ARHGAP26: variants seen among roughly 807,000 people sequenced by gnomAD.
The protein encoded by ARHGAP26 is Rho GTPase activating protein 26.
A neutral mutation model predicts 104.8 loss-of-function variants in ARHGAP26; 38 were observed. The ratio of observed to expected loss-of-function variants is 0.36; its 90% CI spans 0.28 to 0.48. The LOEUF (loss-of-function observed/expected upper bound fraction) is 0.48. ARHGAP26 is among the 20% of genes least tolerant of loss of function. The pLI is 0.99. For missense variants in ARHGAP26, 704 were observed against 947.9 expected (o/e 0.74, Z 3.38); for synonymous variants, 341 against 340.0 (o/e 1.00, Z -0.03).
At chr5:143,071,608 G>A (rs150134277) in intron 17 of ARHGAP26, among the ~76,000 whole-genome samples, 144 of 152,264 alleles carry the variant, frequency 9.5e-4, no homozygotes, top group Non-Finnish European at 1.6e-3. Flanking sequence ...ACAGTCAGTA[G>A]AAGCAAAAAT....
intron 20 of ARHGAP26, among the ~76,000 whole-genome samples, chr5:143,160,531 G>A (rs1240272414): frequency 6.6e-6 from 1 of 151,066 alleles, no homozygotes; most frequent in Admixed American, 6.6e-5. Context: ...TGTTTCCCAG[G>A]CTGAGTTCAG....
At chr5:142,830,776 A>G (rs903231450) in intron 1 of ARHGAP26, among the ~76,000 whole-genome samples, 4 of 152,126 alleles carry the variant, frequency 2.6e-5, no homozygotes, top group Non-Finnish European at 5.9e-5. Flanking sequence ...TTGCCATTGT[A>G]AATACTTTGG....
chr5:143,023,118 C>G (rs1467802941), intron 12 of ARHGAP26, among the ~76,000 whole-genome samples: 1 of 152,246 alleles, frequency 6.6e-6, no homozygotes, highest in Admixed American at 6.5e-5. Context: ...GCCCACCACT[C>G]TCCCACAGGG....
At chr5:142,955,791 G>T (rs914867893) in intron 11 of ARHGAP26, among the ~76,000 whole-genome samples, 1 of 152,230 alleles carries the variant, frequency 6.6e-6, no homozygotes, top group Non-Finnish European at 1.5e-5. Flanking sequence ...TGTTAGTCTT[G>T]TTGTGGCCTC....
chr5:143,008,548 G>C (rs1216494166), intron 11 of ARHGAP26, among the ~76,000 whole-genome samples: 1 of 152,212 alleles, frequency 6.6e-6, no homozygotes, highest in Non-Finnish European at 1.5e-5. Flanking sequence ...AACCTCAGGG[G>C]ATCATAGAGT....
At chr5:143,197,832 A>AT (rs1367320680) in intron 20 of ARHGAP26, among the ~76,000 whole-genome samples, 4 of 152,114 alleles carry the variant, frequency 2.6e-5, no homozygotes, top group East Asian at 1.9e-4. Context: ...GGATTCTGTC[A>AT]TTTTTTTCCA....
intron 17 of ARHGAP26, among the ~76,000 whole-genome samples, chr5:143,094,117 G>A (rs1240164900): frequency 2.0e-5 from 3 of 152,136 alleles, no homozygotes; most frequent in Non-Finnish European, 2.9e-5. Context: ...CCGCCCCCGC[G>A]GCTTTCTTTC....
intron 20 of ARHGAP26, chr5:143,169,784 C>T (rs1255830490): frequency 1.3e-5 from 2 of 152,200 alleles, no homozygotes. Flanking sequence ...GATGTCACTA[C>T]ACTGGACCTT....
chr5:142,841,305 T>G (rs1363091062), intron 1 of ARHGAP26, among the ~76,000 whole-genome samples: 2 of 152,136 alleles, frequency 1.3e-5, no homozygotes, highest in Non-Finnish European at 2.9e-5. Flanking sequence ...TCAGATGAAG[T>G]GTCAAGATCT....
At chr5:143,084,624 A>T (rs1790285926) in intron 17 of ARHGAP26, among the ~76,000 whole-genome samples, 1 of 152,296 alleles carries the variant, frequency 6.6e-6, no homozygotes, top group South Asian at 2.1e-4. Flanking sequence ...TGATCTGGAC[A>T]CTGCTTCCTC....
Position 143,182,297 on chromosome 5 carries a change from A to G in ARHGAP26, c.1989-24901A>G, listed in dbSNP as rs374917325. Among the ~76,000 whole-genome samples the G allele has an allele frequency of 2.7e-4, 41 of 152,330 alleles. No individual in the cohort carries two copies. The East Asian group carries it at 6.2e-3, about 23-fold the overall frequency. On this transcript the variant is annotated intron_variant, in intron 20 of 22. Coordinates refer to ENST00000645722, the MANE Select transcript of ARHGAP26 (RefSeq NM_001135608.3). Reference sequence around the variant, plus strand: ...GTTGGCCTTATCTTGAACAGTTGCAAAACTCATCCACAGTTCATCATCTGC... The same window carrying G: ...GTTGGCCTTATCTTGAACAGTTGCAGAACTCATCCACAGTTCATCATCTGC...
chr5:142,951,865 A>G (rs150723987), intron 11 of ARHGAP26, among the ~76,000 whole-genome samples: 1 of 152,322 alleles, frequency 6.6e-6, no homozygotes, highest in African/African-American at 2.4e-5. Context: ...ACTTCCACCA[A>G]CTGGGTGGGT....
chr5:143,028,416 C>T (rs1233434950), intron 12 of ARHGAP26, among the ~76,000 whole-genome samples: 1 of 152,120 alleles, frequency 6.6e-6, no homozygotes, highest in East Asian at 1.9e-4. Context: ...AGTGTGAAAA[C>T]ACAGTAGTTA....
intron 20 of ARHGAP26, among the ~76,000 whole-genome samples, chr5:143,177,633 A>G (rs1008427761): frequency 1.3e-5 from 2 of 152,200 alleles, no homozygotes; most frequent in African/African-American, 4.8e-5. Context: ...AATAACAATA[A>G]TACTACAAAA....
intron 11 of ARHGAP26, among the ~76,000 whole-genome samples, chr5:142,935,520 T>G (rs1170273104): frequency 2.0e-5 from 3 of 152,212 alleles, no homozygotes; most frequent in Non-Finnish European, 4.4e-5. Flanking sequence ...TTGATTTGGG[T>G]CATGGGCCAT....
intron 19 of ARHGAP26, among the ~76,000 whole-genome samples, chr5:143,139,096 G>C (rs1328363752): frequency 6.6e-6 from 1 of 152,196 alleles, no homozygotes; most frequent in Non-Finnish European, 1.5e-5. Flanking sequence ...GTTTCATTCA[G>C]CTGGGCATCT....
At chr5:143,127,225 A>G (rs1796823627) in intron 18 of ARHGAP26, among the ~76,000 whole-genome samples, 1 of 152,130 alleles carries the variant, frequency 6.6e-6, no homozygotes, top group Non-Finnish European at 1.5e-5. Flanking sequence ...TCCCCTTGCT[A>G]TTAAATTCCA....
intron 1 of ARHGAP26, among the ~76,000 whole-genome samples, chr5:142,795,592 A>G (rs1039741177): frequency 1.3e-5 from 2 of 152,220 alleles, no homozygotes; most frequent in African/African-American, 2.4e-5. Context: ...ATCCAAGTGT[A>G]GAATATGTAC....
At chr5:142,771,508 A>G in intron 1 of ARHGAP26, 1 of 935,174 alleles carries the variant, frequency 1.1e-6, no homozygotes, top group Non-Finnish European at 1.4e-6. Flanking sequence ...ATCTGGAATC[A>G]GTACGTGCGC....
Sources: allele counts gnomAD v4.1 joint callset (sites outside exome capture counted in the v4.1 genomes callset), GRCh38; gene constraint gnomAD v4.1.1; transcripts MANE v1.5; gene names NCBI Gene and HGNC (gene_info 2026-07-23, HGNC 2026-07-21).